HIP1: variants seen among roughly 807,000 people sequenced by gnomAD.
HIP1 encodes the protein huntingtin interacting protein 1.
In HIP1, 65 loss-of-function variants were observed where a neutral mutation model predicts 147.6. The observed-to-expected ratio is 0.44, with a 90% CI of 0.36 to 0.54. The LOEUF (loss-of-function observed/expected upper bound fraction) is 0.54. HIP1 is among the 20% of genes least tolerant of loss of function. The probability of loss-of-function intolerance (pLI) is 0.00; values close to 1 mark genes in which losing one functional copy is unlikely to be tolerated. For missense variants in HIP1, 1,061 were observed against 1,299.6 expected (o/e 0.82, Z 2.82); for synonymous variants, 479 against 504.0 (o/e 0.95, Z 0.67).
intron 1 of HIP1, among the ~76,000 whole-genome samples, chr7:75,736,748 T>C (rs1480547374): frequency 1.3e-5 from 2 of 151,798 alleles, no homozygotes; most frequent in East Asian, 3.9e-4. Context: ...AAATGACCAT[T>C]TCCCACTTCC....
At chr7:75,639,498 C>T (rs1177857411) in intron 1 of HIP1, among the ~76,000 whole-genome samples, 2 of 151,836 alleles carry the variant, frequency 1.3e-5, no homozygotes, top group African/African-American at 4.8e-5. Flanking sequence ...GTGGCTTCTC[C>T]CCAGAGTTCC....
At chr7:75,556,968 G>GCC (rs1795030496) in intron 16 of HIP1, among the ~76,000 whole-genome samples, 157 bp from the exon 17 acceptor site, 1 of 152,146 alleles carries the variant, frequency 6.6e-6, no homozygotes, top group Non-Finnish European at 1.5e-5. Context: ...GGAGGAGGAG[G>GCC]CAAGACCCCA....
At chr7:75,573,570 T>C (rs1456707770) in intron 8 of HIP1, among the ~76,000 whole-genome samples, 191 bp downstream of exon 8, 1 of 152,098 alleles carries the variant, frequency 6.6e-6, no homozygotes, top group African/African-American at 2.4e-5. Flanking sequence ...GCCAGGGGCT[T>C]TACTGGGGTC....
intron 1 of HIP1, among the ~76,000 whole-genome samples, chr7:75,683,410 C>G (rs1554517181): frequency 6.6e-6 from 1 of 151,496 alleles, no homozygotes; most frequent in African/African-American, 2.4e-5. Context: ...AAAGAGCAAG[C>G]AAGAGAAGCA....
chr7:75,546,213 T>C (rs1250369832), intron 25 of HIP1, among the ~76,000 whole-genome samples: 2 of 151,908 alleles, frequency 1.3e-5, no homozygotes, highest in Non-Finnish European at 2.9e-5. Flanking sequence ...TAAAAAAAAA[T>C]ATTTCTACTT....
chr7:75,551,781 G>A (rs1314529192), intron 22 of HIP1, among the ~76,000 whole-genome samples: 1 of 152,070 alleles, frequency 6.6e-6, no homozygotes, highest in African/African-American at 2.4e-5. Context: ...AGTTGCCCAG[G>A]CTGGTCTCAA....
At chr7:75,639,399 G>A (rs557069452) in intron 1 of HIP1, among the ~76,000 whole-genome samples, 1 of 151,520 alleles carries the variant, frequency 6.6e-6, no homozygotes, top group South Asian at 2.1e-4. Flanking sequence ...GCTGGCGGGG[G>A]CGCGAGGGGA....
rs1287328279 is a variant in HIP1 at position 75,583,441 on chromosome 7, G to A, written c.466-1290C>T. Among the ~76,000 whole-genome samples the A allele has an allele frequency of 2.0e-5, 3 of 152,124 alleles. No homozygotes were observed. In the East Asian group the frequency reaches 5.8e-4, roughly 29 times the overall value. On this transcript the variant is annotated intron_variant, in intron 5 of 30. Coordinates refer to ENST00000336926, the MANE Select transcript of HIP1 (RefSeq NM_005338.7). ...TATAACAAGATACCATGCACTGGGT[G>A]GCTTAACCCATAGAGAGTGTCTTTC...
rs1015880810 is a variant in HIP1, at chr7:75,547,693, T to G, written c.2465+62A>C. 5.8e-6 allele frequency: 8 copies of G among 1,377,450 alleles called. 1 individual carries two copies. The highest frequency in any genetic ancestry group is 3.7e-4 in the Middle Eastern group (2 of 5,428). 85.3% of individuals were successfully genotyped at this position (1,377,450 alleles called of 1,614,324 possible). On this transcript the variant is annotated intron_variant, in intron 24 of 30. Coordinates refer to ENST00000336926, the MANE Select transcript of HIP1 (RefSeq NM_005338.7). ...AATTCCCTAATAAGTATGCAAAGTA[T>G]AGACCAATGTCAGGAAGACAGATCC...
chr7:75,652,210 G>A (rs371153607), intron 1 of HIP1, among the ~76,000 whole-genome samples: 3 of 150,728 alleles, frequency 2.0e-5, no homozygotes, highest in Admixed American at 6.6e-5. Flanking sequence ...CCAGCTACTC[G>A]GGAGGCTGAG....
intron 1 of HIP1, among the ~76,000 whole-genome samples, chr7:75,731,360 A>G (rs1188682076): frequency 6.6e-6 from 1 of 151,506 alleles, no homozygotes; most frequent in African/African-American, 2.4e-5. Context: ...GCGCACGCCT[A>G]TAATCCCAGC....
chr7:75,544,379 C>G (rs971882301), intron 27 of HIP1, among the ~76,000 whole-genome samples: 1 of 151,788 alleles, frequency 6.6e-6, no homozygotes, highest in Admixed American at 6.6e-5. Flanking sequence ...ACCATCTAAC[C>G]TAACCAAGTA....
chr7:75,586,070 T>G (rs1460565971), intron 5 of HIP1, among the ~76,000 whole-genome samples: 2 of 152,044 alleles, frequency 1.3e-5, no homozygotes, highest in African/African-American at 4.8e-5. Flanking sequence ...AGCCTCGACC[T>G]CCCATAATGC....
At chr7:75,708,119 G>A (rs1453307964) in intron 1 of HIP1, among the ~76,000 whole-genome samples, 1 of 148,532 alleles carries the variant, frequency 6.7e-6, no homozygotes, top group Non-Finnish European at 1.5e-5. Flanking sequence ...TTAAACTAAA[G>A]AGCTTCTGCA....
In HIP1 at chr7:75,581,206, G is replaced by A. The variant is rs782479754; in HGVS notation, c.604+31C>T. ...TAGGAATTAGGTAGTTCCCATGAGA[G>A]CCTGGGTTAGACGGGAGGGAAGAGA... On this transcript the variant is annotated intron_variant, in intron 7 of 30. Coordinates refer to ENST00000336926, the MANE Select transcript of HIP1 (RefSeq NM_005338.7). The A allele has an allele frequency of 2.6e-6, 4 of 1,556,162 alleles. No individual in the cohort carries two copies. In the East Asian group the frequency reaches 9.0e-5, roughly 35 times the overall value.
chr7:75,645,629 C>A (rs903307769), intron 1 of HIP1, among the ~76,000 whole-genome samples: 7 of 152,168 alleles, frequency 4.6e-5, no homozygotes, highest in Admixed American at 6.6e-5. Context: ...GCCAAAAAGA[C>A]ACCTGCACTC....
intron 1 of HIP1, among the ~76,000 whole-genome samples, chr7:75,727,411 T>TC (rs1264673723): frequency 5.9e-5 from 9 of 151,946 alleles, no homozygotes; most frequent in Admixed American, 5.9e-4. Context: ...TTTCTTTCTT[T>TC]TTTTTTTTTT....
At position 75,545,170 on chromosome 7, in the gene HIP1, CT is replaced by C; in HGVS notation, c.2577del (p.Glu860SerfsTer44). ...CATCGAGAGTTCTTGGCATAAAACT[CT>C]TTAGGGGATGCTGTACCCTAGGGAA... is the stretch of plus-strand genomic sequence containing the variant. ...VESGRGTASP[K>X]EFYAKNSRWT... On this transcript the variant is annotated frameshift_variant, in exon 26 of 31. Transcript: ENST00000336926. LOFTEE classifies it high-confidence loss of function. 1 of 1,609,916 alleles carries C rather than the reference CT, an allele frequency of 6.2e-7. No individual in the cohort carries two copies. Among genetic ancestry groups the C allele is most frequent in the Non-Finnish European group, 8.5e-7 (1 of 1,177,034 alleles).
At chr7:75,553,963 T>C (rs932548983) in intron 21 of HIP1, 150 bp downstream of exon 21, 3 of 613,898 alleles carry the variant, frequency 4.9e-6, no homozygotes, top group African/African-American at 3.7e-5. Context: ...CAGGCTGTTC[T>C]TGAACTCCCG....
Sources: gnomAD v4.1 joint callset for allele counts (sites outside exome capture counted in the v4.1 genomes callset) on GRCh38, gnomAD v4.1.1 for gene constraint, MANE v1.5 for transcripts, NCBI Gene and HGNC (gene_info 2026-07-23, HGNC 2026-07-21) for gene names.